The following EGFR variants were observed in gnomAD, a reference collection of about 807,000 sequenced individuals.
EGFR encodes epidermal growth factor receptor.
EGFR carries 58 observed loss-of-function variants against 143.0 expected under a neutral mutation model. That is an observed-to-expected ratio of 0.41 (90% CI 0.33 to 0.50). EGFR has a LOEUF of 0.50. EGFR is among the 20% of genes least tolerant of loss of function. EGFR has a pLI of 0.39. For missense variants in EGFR, 1,307 were observed against 1,579.0 expected (o/e 0.83, Z 2.92); for synonymous variants, 613 against 594.4 (o/e 1.03, Z -0.45).
chr7:55,155,065 A>T (rs1785343897), intron 7 of EGFR, among the ~76,000 whole-genome samples: 1 of 152,268 alleles, frequency 6.6e-6, no homozygotes, highest in African/African-American at 2.4e-5. Flanking sequence ...CGAGCCTGAG[A>T]TACCAAGAGC....
rs967910623 is a variant in EGFR, at chr7:55,198,839, G to C, written c.2824G>C (p.Asp942His). The change falls in exon 23 of 28, where the codon GAT (aspartate) becomes CAT (histidine). Residue 942 changes from aspartate to histidine, a missense_variant. Asp to His is a moderately conservative substitution (Grantham distance 81). Transcript: ENST00000275493. ...RLPQPPICTI[D>H]VYMIMVKCWM... ...CCCTCAGCCACCCATATGTACCATC[G>C]ATGTCTACATGATCATGGTCAAGTG... is the stretch of plus-strand genomic sequence containing the variant. 1.2e-6 allele frequency: 2 copies of C among 1,614,040 alleles called. No homozygotes were observed. Among genetic ancestry groups the C allele is most frequent in the Non-Finnish European group, 1.7e-6 (2 of 1,180,044 alleles).
chr7:55,029,260 T>C (rs1787116218), intron 1 of EGFR, among the ~76,000 whole-genome samples: 1 of 152,250 alleles, frequency 6.6e-6, no homozygotes. Context: ...TATAGAACTT[T>C]TTCTTGGCTT....
intron 19 of EGFR, among the ~76,000 whole-genome samples, chr7:55,178,513 G>T (rs1786707125): frequency 6.6e-6 from 1 of 152,186 alleles, no homozygotes; most frequent in Non-Finnish European, 1.5e-5. Context: ...GAGGGAGCCA[G>T]GGTCAGGAGA....
intron 1 of EGFR, among the ~76,000 whole-genome samples, chr7:55,125,606 T>C (rs1257140428): frequency 6.6e-6 from 1 of 152,226 alleles, no homozygotes; most frequent in Non-Finnish European, 1.5e-5. Context: ...ACTGTCTGTT[T>C]TGAGAAAATT....
At chr7:55,083,316 A>G (rs1372003840) in intron 1 of EGFR, among the ~76,000 whole-genome samples, 1 of 152,230 alleles carries the variant, frequency 6.6e-6, no homozygotes, top group Non-Finnish European at 1.5e-5. Context: ...ATGTATTTCA[A>G]TCATCATGTT....
intron 23 of EGFR, among the ~76,000 whole-genome samples, 167 bp from the exon 24 acceptor site, chr7:55,200,149 A>G (rs944199513): frequency 1.3e-5 from 2 of 152,226 alleles, no homozygotes; most frequent in Non-Finnish European, 2.9e-5. Context: ...TTTAAACAGT[A>G]ACCAGTACTA....
chr7:55,199,108 C>T (rs1009200547), intron 23 of EGFR, among the ~76,000 whole-genome samples: 6 of 152,182 alleles, frequency 3.9e-5, no homozygotes, highest in South Asian at 2.1e-4. Context: ...TAAAGTCTTC[C>T]GCAAGCCATT....
At chr7:55,034,237 G>C (rs1212831197) in intron 1 of EGFR, among the ~76,000 whole-genome samples, 1 of 152,128 alleles carries the variant, frequency 6.6e-6, no homozygotes, top group Non-Finnish European at 1.5e-5. Flanking sequence ...TTGTTTGTTT[G>C]TTTTGTTTTG....
intron 21 of EGFR, 95 bp from the exon 22 acceptor site, chr7:55,192,671 G>A: frequency 8.8e-7 from 1 of 1,137,646 alleles, no homozygotes; most frequent in South Asian, 1.3e-5. Context: ...GCTCGTCTGT[G>A]TGTGTCACTC....
intron 1 of EGFR, among the ~76,000 whole-genome samples, chr7:55,114,556 A>T (rs934655985): frequency 6.6e-6 from 1 of 152,176 alleles, no homozygotes; most frequent in Non-Finnish European, 1.5e-5. Flanking sequence ...ACTCAATTTT[A>T]TATCTATGTA....
At chr7:55,134,445 T>A (rs1794026720) in intron 1 of EGFR, among the ~76,000 whole-genome samples, 1 of 152,226 alleles carries the variant, frequency 6.6e-6, no homozygotes, top group African/African-American at 2.4e-5. Context: ...TCATCTGCCT[T>A]CCTCCGTCCA....
intron 1 of EGFR, among the ~76,000 whole-genome samples, chr7:55,085,378 G>C (rs1036528422): frequency 6.6e-6 from 1 of 152,178 alleles, no homozygotes; most frequent in Admixed American, 6.6e-5. Context: ...CTTTTTCCAG[G>C]GGAGGCAGCA....
intron 24 of EGFR, 61 bp downstream of exon 24, chr7:55,200,474 CT>C: frequency 6.6e-7 from 1 of 1,519,754 alleles, no homozygotes; most frequent in East Asian, 2.3e-5. Flanking sequence ...TCTCATGTCA[CT>C]GTGTTCTGTC....
At chr7:55,121,462 T>A (rs1455690111) in intron 1 of EGFR, among the ~76,000 whole-genome samples, 1 of 152,224 alleles carries the variant, frequency 6.6e-6, no homozygotes, top group Non-Finnish European at 1.5e-5. Context: ...ACACACCTTC[T>A]CATTTTCTGT....
Position 55,205,640 on chromosome 7 carries a change from TA to T in EGFR, c.*28del, listed in dbSNP as rs1562810904. On this transcript the variant is annotated 3_prime_UTR_variant, in exon 28 of 28. Transcript: ENST00000275493. ...TGACCACGGAGGATAGTATGAGCCC[TA>T]AAAATCCAGACTCTTTCGATACCCA... 1.2e-5 allele frequency: 20 copies of T among 1,613,916 alleles called. No individual in the cohort carries two copies. Among genetic ancestry groups the T allele is most frequent in the Non-Finnish European group, 1.6e-5 (19 of 1,179,996 alleles).
chr7:55,161,150 A>C (rs1785677487), intron 12 of EGFR, among the ~76,000 whole-genome samples: 1 of 152,252 alleles, frequency 6.6e-6, no homozygotes. Context: ...GTGGGAGCAC[A>C]GAAAACATGG....
chr7:55,189,568 GC>G (rs1787296567), intron 20 of EGFR, among the ~76,000 whole-genome samples: 1 of 152,180 alleles, frequency 6.6e-6, no homozygotes, highest in Non-Finnish European at 1.5e-5. Context: ...TGCTCTGAGG[GC>G]CTCCTTGTGG....
chr7:55,131,365 A>T (rs949485220), intron 1 of EGFR, among the ~76,000 whole-genome samples: 2 of 151,800 alleles, frequency 1.3e-5, no homozygotes, highest in Non-Finnish European at 2.9e-5. Context: ...TGACAACATG[A>T]CATGTTTCTA....
intron 1 of EGFR, among the ~76,000 whole-genome samples, chr7:55,067,852 CTGTG>C (rs925399753): frequency 2.7e-5 from 4 of 150,616 alleles, no homozygotes; most frequent in Admixed American, 6.6e-5. Flanking sequence ...ACGTGTGCGC[CTGTG>C]TGTGTCTGTG....
Sources: gnomAD v4.1 joint callset for allele counts (sites outside exome capture counted in the v4.1 genomes callset) on GRCh38, gnomAD v4.1.1 for gene constraint, MANE v1.5 for transcripts, NCBI Gene and HGNC (gene_info 2026-07-23, HGNC 2026-07-21) for gene names.